The following GABRA2 variants were observed in gnomAD, a reference collection of about 807,000 sequenced individuals.
GABRA2 encodes the protein gamma-aminobutyric acid receptor subunit alpha-2.
A neutral mutation model predicts 48.7 loss-of-function variants in GABRA2; 16 were observed. That is an observed-to-expected ratio of 0.33 (90% CI 0.22 to 0.50). The LOEUF is 0.50. GABRA2 is among the 20% of genes least tolerant of loss of function. The pLI, the probability that GABRA2 is intolerant of heterozygous loss-of-function variation, is 0.98. For synonymous variants in GABRA2, 185 were observed against 184.5 expected, an observed-to-expected ratio of 1.00 and a Z score of -0.02; for missense variants, 275 against 535.6, an observed-to-expected ratio of 0.51 and a Z score of 4.80.
intron 4 of GABRA2, among the ~76,000 whole-genome samples, chr4:46,321,536 T>A (rs148645713): frequency 4.1e-4 from 62 of 152,170 alleles, no homozygotes; most frequent in African/African-American, 1.4e-3. Context: ...ATAATCATAA[T>A]GATACATATT....
chr4:46,320,965 CA>C (rs1560524462), intron 4 of GABRA2, among the ~76,000 whole-genome samples: 1 of 151,740 alleles, frequency 6.6e-6, no homozygotes. Context: ...ACCCAATATA[CA>C]AAAACAATCT....
intron 8 of GABRA2, among the ~76,000 whole-genome samples, chr4:46,283,753 TA>T (rs1330137534): frequency 6.6e-6 from 1 of 152,300 alleles, no homozygotes; most frequent in African/African-American, 2.4e-5. Flanking sequence ...TCGAGTTTCT[TA>T]GTTTTTCTGT....
At position 46,288,871 on chromosome 4, in the gene GABRA2, A is replaced by G. The variant is rs77662008; in HGVS notation, c.856+14589T>C. ...AGGAACTTAAACAAATTTACAAGGA[A>G]AAAAAACAATGAAAGTAGACAAAAA... On this transcript the variant is annotated intron_variant, in intron 8 of 9. Coordinates refer to ENST00000381620, the MANE Select transcript of GABRA2 (RefSeq NM_000807.4). 7.9e-5 allele frequency among the ~76,000 whole-genome samples: 11 copies of G among 138,530 alleles called. No homozygotes were observed. The East Asian group carries it at 2.4e-3, about 30-fold the overall frequency. The allele number at this position is 138,530 out of a possible 152,430, so 90.9% of individuals were successfully genotyped here.
intron 3 of GABRA2, among the ~76,000 whole-genome samples, chr4:46,369,362 AT>A (rs1440332601): frequency 6.6e-6 from 1 of 152,160 alleles, no homozygotes; most frequent in Non-Finnish European, 1.5e-5. Flanking sequence ...TTTCAAGTTA[AT>A]TATTTATTTA....
At chr4:46,262,271 G>A (rs1717131123) in intron 8 of GABRA2, 143 bp from the exon 9 acceptor site, 1 of 566,080 alleles carries the variant, frequency 1.8e-6, no homozygotes, top group South Asian at 2.7e-5. Flanking sequence ...AATAAATACT[G>A]GAATTTATAT....
Position 46,245,827 on chromosome 4 carries a change from G to C in GABRA2, c.*4481C>G, listed in dbSNP as rs1369382032. 1.3e-5 allele frequency among the ~76,000 whole-genome samples: 2 copies of C among 151,140 alleles called. No individual in the cohort carries two copies. The highest frequency in any genetic ancestry group is 2.4e-5 in the African/African-American group (1 of 41,416). ...TTGTTCTTTACTATTGGCAATATTA[G>C]GTAATGTTATGTATTAAATACATCA... On this transcript the variant is annotated 3_prime_UTR_variant, in exon 10 of 10. Transcript: ENST00000381620.
At chr4:46,255,017 T>TCTA (rs753103625) in intron 9 of GABRA2, among the ~76,000 whole-genome samples, 5 of 151,590 alleles carry the variant, frequency 3.3e-5, no homozygotes, top group Non-Finnish European at 7.4e-5. Flanking sequence ...GACAACACTT[T>TCTA]CTACTGCCTG....
At chr4:46,376,968 C>T (rs1272991591) in intron 3 of GABRA2, among the ~76,000 whole-genome samples, 3 of 152,258 alleles carry the variant, frequency 2.0e-5, no homozygotes, top group African/African-American at 7.2e-5. Context: ...AGCTCCTAAC[C>T]GCAAGTGATC....
At chr4:46,337,391 A>C (rs1732439375) in intron 3 of GABRA2, among the ~76,000 whole-genome samples, 1 of 152,076 alleles carries the variant, frequency 6.6e-6, no homozygotes, top group Non-Finnish European at 1.5e-5. Flanking sequence ...CATGGTTAAC[A>C]TGTATATACA....
At chr4:46,363,972 A>C (rs1560583223) in intron 3 of GABRA2, 2 of 152,186 alleles carry the variant, frequency 1.3e-5, no homozygotes, top group Non-Finnish European at 2.9e-5. Flanking sequence ...GTCCCATAAA[A>C]ATAAAATTGC....
At chr4:46,337,399 A>C (rs1447449315) in intron 3 of GABRA2, among the ~76,000 whole-genome samples, 1 of 152,106 alleles carries the variant, frequency 6.6e-6, no homozygotes, top group Non-Finnish European at 1.5e-5. Flanking sequence ...ACATGTATAT[A>C]CAGAGGATGG....
intron 4 of GABRA2, among the ~76,000 whole-genome samples, chr4:46,331,159 T>C (rs1324948106): frequency 6.6e-6 from 1 of 152,176 alleles, no homozygotes; most frequent in East Asian, 1.9e-4. Flanking sequence ...TGTACCAGAA[T>C]TGTGCCTAAG....
chr4:46,377,016 C>T (rs1190757964), intron 3 of GABRA2, among the ~76,000 whole-genome samples: 1 of 152,172 alleles, frequency 6.6e-6, no homozygotes, highest in African/African-American at 2.4e-5. Flanking sequence ...GGATTGCAGA[C>T]GGAGTCTCAT....
At chr4:46,354,074 C>A (rs1191350758) in intron 3 of GABRA2, among the ~76,000 whole-genome samples, 3 of 152,020 alleles carry the variant, frequency 2.0e-5, no homozygotes, top group African/African-American at 7.2e-5. Flanking sequence ...TTCTACCTGC[C>A]AGTGCTTTGC....
chr4:46,337,316 C>G (rs1361843012), intron 3 of GABRA2, among the ~76,000 whole-genome samples: 4 of 151,906 alleles, frequency 2.6e-5, no homozygotes, highest in Non-Finnish European at 5.9e-5. Context: ...AAGTAAATAT[C>G]CGAGGCAGGG....
At chr4:46,373,910 C>T (rs777926139) in intron 3 of GABRA2, among the ~76,000 whole-genome samples, 24 of 152,134 alleles carry the variant, frequency 1.6e-4, no homozygotes, top group Admixed American at 2.6e-4. Context: ...TCCCATACTC[C>T]CCCCTACCTG....
At position 46,303,424 on chromosome 4, in the gene GABRA2, A is replaced by T. The variant is rs755926060; in HGVS notation, c.856+36T>A. The T allele has an allele frequency of 1.9e-6, 3 of 1,568,182 alleles. No individual in the cohort carries two copies. The Admixed American group carries it at 5.0e-5, about 26-fold the overall frequency. ...TGTTTTTGAAAGTATGCTATGAAAC[A>T]TAATGTGCTGTACTGCAAAGTGTGT... On this transcript the variant is annotated intron_variant, in intron 8 of 9. Transcript: ENST00000381620.
chr4:46,323,055 T>C (rs1269427548), intron 4 of GABRA2, among the ~76,000 whole-genome samples: 3 of 151,788 alleles, frequency 2.0e-5, no homozygotes, highest in Non-Finnish European at 2.9e-5. Flanking sequence ...TTTTACAGAA[T>C]GTATATAGTA....
chr4:46,271,769 A>G (rs972171782), intron 8 of GABRA2, among the ~76,000 whole-genome samples: 9 of 151,954 alleles, frequency 5.9e-5, no homozygotes, highest in Non-Finnish European at 1.3e-4. Context: ...GATTTAATTT[A>G]TCCAAAACTC....
Sources: allele counts gnomAD v4.1 joint callset (sites outside exome capture counted in the v4.1 genomes callset), GRCh38; gene constraint gnomAD v4.1.1; transcripts MANE v1.5; gene names NCBI Gene and HGNC (gene_info 2026-07-23, HGNC 2026-07-21).